The following CILP variants were observed in gnomAD, a reference collection of about 807,000 sequenced individuals.
CILP encodes cartilage intermediate layer protein 1.
Under a neutral mutation model 82.5 loss-of-function variants are expected in CILP, and 75 were observed. The observed-to-expected ratio is 0.91, with a 90% CI of 0.75 to 1.10. The LOEUF (loss-of-function observed/expected upper bound fraction) is 1.10, where lower values mean the gene tolerates loss of function less well. CILP is among the 50% of genes least tolerant of loss of function. CILP has a pLI of 0.00. For missense variants in CILP, 1,479 were observed against 1,530.8 expected (o/e 0.97, Z 0.56); for synonymous variants, 530 against 580.3 (o/e 0.91, Z 1.25).
At chr15:65,204,978 C>A (rs1225521299) in intron 5 of CILP, among the ~76,000 whole-genome samples, 1 of 152,108 alleles carries the variant, frequency 6.6e-6, no homozygotes, top group African/African-American at 2.4e-5. Flanking sequence ...AAGATTGCGC[C>A]ATTGCACTCC....
In CILP at chr15:65,204,374, G is replaced by T; in HGVS notation, c.813C>A (p.Gly271=). 1 of 1,614,212 alleles carries T rather than the reference G, an allele frequency of 6.2e-7. No homozygotes were observed. Among genetic ancestry groups the T allele is most frequent in the Non-Finnish European group, 8.5e-7 (1 of 1,180,050 alleles). Residue 271 remains glycine, a synonymous_variant, in exon 6 of 9, where the codon GGC becomes GGA. Coordinates refer to ENST00000261883, the MANE Select transcript of CILP (RefSeq NM_003613.4). The stretch of plus-strand genomic sequence containing the variant: ...CCTTTGTGATCTTCAGGATGCTTTT[G>T]CCATCAGGGCACAAGCCAGGGATTC... ...RFRIPGLCPD[G]KSILKITKVK...
chr15:65,201,092 C>T (rs1470519184), intron 8 of CILP, among the ~76,000 whole-genome samples: 1 of 152,084 alleles, frequency 6.6e-6, no homozygotes, highest in Non-Finnish European at 1.5e-5. Flanking sequence ...ACCTCTGCCT[C>T]CTGAGTTCAA....
At position 65,196,843 on chromosome 15, in the gene CILP, C is replaced by T. The variant is rs779474966; in HGVS notation, c.3443G>A (p.Gly1148Glu). 2.5e-6 allele frequency: 4 copies of T among 1,613,748 alleles called. No individual in the cohort carries two copies. The Admixed American group carries it at 5.0e-5, about 20-fold the overall frequency. Residue 1148 changes from glycine to glutamate, a missense_variant, in exon 9 of 9, where the codon GGA (glycine) becomes GAA (glutamate). Coordinates refer to ENST00000261883, the MANE Select transcript of CILP (RefSeq NM_003613.4). The part of the protein sequence containing the change: ...AQSPAAGTVQ[G>E]RVPSRRQQRA... ...CTGCTGCCTCCTCGAGGGCACTCTT[C>T]CTTGGACAGTGCCTGCAGCAGGGGA...
intron 5 of CILP, 122 bp downstream of exon 5, chr15:65,205,165 T>C (rs772121307): frequency 1.6e-5 from 15 of 919,018 alleles, no homozygotes; most frequent in Non-Finnish European, 2.2e-5. Flanking sequence ...AGATGCTCAG[T>C]TAATACGTGG....
chr15:65,198,447 C>T lies in CILP; in HGVS notation c.1839G>A (p.Gly613=), dbSNP rs766754083. The T allele has an allele frequency of 6.2e-7, 1 of 1,614,224 alleles. No individual in the cohort carries two copies. The highest frequency in any genetic ancestry group is 1.1e-5 in the South Asian group (1 of 91,084). ...CCTTCACTTTTCCTATGTAGGGCTC[C>T]CCATTCTGCCTGTAGAAACTCCTGG... ...IPSRSFYRQN[G]EPYIGKVKAS... The change falls in exon 9 of 9, where the codon GGG becomes GGA. Residue 613 remains glycine (G), a synonymous_variant. Coordinates refer to ENST00000261883, the MANE Select transcript of CILP (RefSeq NM_003613.4).
intron 1 of CILP, among the ~76,000 whole-genome samples, chr15:65,210,073 A>G (rs927350921): frequency 6.6e-6 from 1 of 152,102 alleles, no homozygotes; most frequent in Non-Finnish European, 1.5e-5. Context: ...CCCTGGGGGT[A>G]GGCTCCAGGG....
In CILP at chr15:65,209,781, G is replaced by A. The variant is rs1311922989; in HGVS notation, c.-26C>T. 7 of 1,612,216 alleles carry A rather than the reference G, an allele frequency of 4.3e-6. No individual in the cohort carries two copies. In the African/African-American group the frequency reaches 6.7e-5, roughly 15 times the overall value. ...CTTTCCCCCAAGCCCGTGGGAACGTGGCAAGAGGTAGATGTGGGTGCTTCA... is the reference window on the plus strand; with the variant it reads ...CTTTCCCCCAAGCCCGTGGGAACGTAGCAAGAGGTAGATGTGGGTGCTTCA... On this transcript the variant is annotated 5_prime_UTR_variant, in exon 2 of 9. Transcript: ENST00000261883.
chr15:65,197,046 A>G lies in CILP; in HGVS notation c.3240T>C (p.Thr1080=). The G allele has an allele frequency of 6.2e-7, 1 of 1,614,214 alleles. No homozygotes were observed. The highest frequency in any genetic ancestry group is 8.5e-7 in the Non-Finnish European group (1 of 1,180,044). The change falls in exon 9 of 9, where the codon ACT becomes ACC. Residue 1080 remains threonine (T), a synonymous_variant. Transcript: ENST00000261883. ...CCTTGGCCGTGCGAGGGTCCTGGTC[A>G]GTGACAGTGTAGATGCCATAGTTGT... The part of the protein sequence containing the change: ...LGHNYGIYTV[T]DQDPRTAKEI...
chr15:65,202,395 G>A (rs1380191265), intron 7 of CILP, among the ~76,000 whole-genome samples: 2 of 152,028 alleles, frequency 1.3e-5, no homozygotes. Flanking sequence ...AAGGATAAAG[G>A]ACTCACAGCC....
chr15:65,196,991 T>C lies in CILP; in HGVS notation c.3295A>G (p.Thr1099Ala). 6.2e-7 allele frequency: 1 copy of C among 1,614,180 alleles called. No individual in the cohort carries two copies. Among genetic ancestry groups the C allele is most frequent in the Non-Finnish European group, 8.5e-7 (1 of 1,180,028 alleles). The change falls in exon 9 of 9, where the codon ACA becomes GCA. Residue 1099 changes from threonine (T) to alanine (A), a missense_variant. Transcript: ENST00000261883. ...EIALGRCFDG[T>A]SDGSSRIMKS... is the part of the protein sequence containing the mutation. ...ATGATTCTGGAGGAGCCATCGGATG[T>C]GCCATCAAAGCACCGGCCGAGCGCG...
At chr15:65,205,242 C>T (rs1283603341) in intron 5 of CILP, 45 bp downstream of exon 5, 1 of 1,545,492 alleles carries the variant, frequency 6.5e-7, no homozygotes, top group Non-Finnish European at 8.8e-7. Context: ...CATTCTTCAG[C>T]CTCACCCACC....
Position 65,195,264 on chromosome 15 carries a change from G to C in CILP, c.*1467C>G, listed in dbSNP as rs1220649161. The C allele has an allele frequency of 6.6e-6, 1 of 152,220 alleles. No individual in the cohort carries two copies. Among genetic ancestry groups the C allele is most frequent in the Non-Finnish European group, 1.5e-5 (1 of 68,084 alleles). 9.4% of individuals were successfully genotyped at this position (152,220 alleles called of 1,614,324 possible). On this transcript the variant is annotated 3_prime_UTR_variant, in exon 9 of 9. Coordinates refer to ENST00000261883, the MANE Select transcript of CILP (RefSeq NM_003613.4). ...AAGGAGCTGCACTAGGCTGGCCAGG[G>C]CATCAGGGAAAGCTTTTTGTCCTGA...
rs201015610 is a variant in CILP at position 65,198,944 on chromosome 15, G to A, written c.1342C>T (p.Arg448Cys). The change falls in exon 9 of 9, where the codon CGT becomes TGT. Residue 448 changes from arginine (R) to cysteine (C), a missense_variant. Arg to Cys is a radical substitution (Grantham distance 180). Coordinates refer to ENST00000261883, the MANE Select transcript of CILP (RefSeq NM_003613.4). ...CCACAGCAGTTCTGCACAGCATCAC[G>A]GCACCTGATCCCATTATCCTGCTGC... ...AGQQDNGIRC[R>C]DAVQNCCGIS... The A allele has an allele frequency of 1.6e-5, 26 of 1,613,830 alleles. No homozygotes were observed. In the East Asian group the frequency reaches 2.2e-4, roughly 14 times the overall value.
intron 5 of CILP, among the ~76,000 whole-genome samples, chr15:65,204,828 G>A (rs2088498938): frequency 6.6e-6 from 1 of 152,160 alleles, no homozygotes. Context: ...AGACCAGCCT[G>A]GCCAACATGG....
Position 65,209,012 on chromosome 15 carries a change from C to CTT in CILP, c.61+681_61+682dup, listed in dbSNP as rs556369891. Among the ~76,000 whole-genome samples, 572 of 69,938 alleles carry CTT rather than the reference C, an allele frequency of 8.2e-3. 7 individuals carry two copies. Among genetic ancestry groups the CTT allele is most frequent in the East Asian group, 0.021 (36 of 1,698 alleles). The allele number at this position is 69,938 out of a possible 152,430, so 45.9% of individuals were successfully genotyped here. ...TACAGCTTTAAAGGAGGGTTTTGAG[C>CTT]TTTTTTTTTTTTTTTTTTTTTTTTG... On this transcript the variant is annotated intron_variant, in intron 2 of 8. Coordinates refer to ENST00000261883, the MANE Select transcript of CILP (RefSeq NM_003613.4).
chr15:65,201,850 C>G, intron 8 of CILP, 22 bp downstream of exon 8: 1 of 1,467,780 alleles, frequency 6.8e-7, no homozygotes, highest in Non-Finnish European at 9.0e-7. Flanking sequence ...CCCAGGGGCC[C>G]CAGGGACCCA....
At chr15:65,200,000 A>G (rs1417207520) in intron 8 of CILP, among the ~76,000 whole-genome samples, 1 of 152,160 alleles carries the variant, frequency 6.6e-6, no homozygotes, top group East Asian at 1.9e-4. Flanking sequence ...ACCATTACCC[A>G]AGGACTGTGA....
chr15:65,203,254 G>A, intron 7 of CILP, 108 bp downstream of exon 7: 1 of 769,890 alleles, frequency 1.3e-6, no homozygotes, highest in South Asian at 1.7e-5. Flanking sequence ...TGTCTTACTT[G>A]TAACTTTATT....
In CILP at chr15:65,197,211, C is replaced by T; in HGVS notation, c.3075G>A (p.Val1025=). Residue 1025 remains valine (V), a synonymous_variant, in exon 9 of 9, where the codon GTG becomes GTA. Transcript: ENST00000261883. ...YDQDRVDRTL[V]KVIPQGSCRR... is the part of the protein sequence containing the mutation. The stretch of plus-strand genomic sequence containing the variant: ...GGCAGCTGCCCTGGGGGATGACCTT[C>T]ACCAGGGTGCGGTCCACACGGTCCT... The T allele has an allele frequency of 1.2e-6, 2 of 1,614,062 alleles. No individual in the cohort carries two copies. Among genetic ancestry groups the T allele is most frequent in the Non-Finnish European group, 1.7e-6 (2 of 1,180,024 alleles).
Sources: allele counts gnomAD v4.1 joint callset (sites outside exome capture counted in the v4.1 genomes callset), GRCh38; gene constraint gnomAD v4.1.1; transcripts MANE v1.5; gene names NCBI Gene and HGNC (gene_info 2026-07-23, HGNC 2026-07-21).